Variants in APC observed in about 807,000 individuals in gnomAD.
The protein encoded by APC is adenomatous polyposis coli protein.
In APC, 72 loss-of-function variants were observed where a neutral mutation model predicts 247.0. The observed-to-expected ratio is 0.29, with a 90% CI of 0.24 to 0.35. The LOEUF is 0.35. APC is among the 10% of genes least tolerant of loss of function. The pLI, the probability that APC is intolerant of heterozygous loss-of-function variation, is 1.00. For synonymous variants in APC, 1,254 were observed against 1,162.5 expected, an observed-to-expected ratio of 1.08 and a Z score of -1.60; for missense variants, 3,400 against 3,360.7, an observed-to-expected ratio of 1.01 and a Z score of -0.29.
At chr5:112,748,692 C>G (rs1753949758) in intron 1 of APC, among the ~76,000 whole-genome samples, 2 of 152,034 alleles carry the variant, frequency 1.3e-5, no homozygotes. Context: ...AAAACCCCAT[C>G]TCTGTAATCC....
intron 1 of APC, among the ~76,000 whole-genome samples, chr5:112,708,589 T>G (rs1347202522): frequency 6.6e-6 from 1 of 152,222 alleles, no homozygotes; most frequent in Non-Finnish European, 1.5e-5. Flanking sequence ...ATGCAGTACA[T>G]GTAAGACATC....
intron 1 of APC, among the ~76,000 whole-genome samples, chr5:112,743,051 C>G (rs894806679): frequency 6.6e-6 from 1 of 152,214 alleles, no homozygotes; most frequent in Non-Finnish European, 1.5e-5. Context: ...ATCAGTGGCT[C>G]TGCGTCTCCT....
chr5:112,756,110 A>G (rs551297364), intron 2 of APC, among the ~76,000 whole-genome samples: 182 of 151,986 alleles, frequency 1.2e-3, no homozygotes, highest in African/African-American at 4.2e-3. Context: ...TTTTTTTCCT[A>G]TGCATTTCAA....
intron 7 of APC, among the ~76,000 whole-genome samples, chr5:112,794,433 T>C (rs1040982470): frequency 6.6e-6 from 1 of 152,198 alleles, no homozygotes; most frequent in African/African-American, 2.4e-5. Context: ...ACCCCAGTTC[T>C]TTGACACCAC....
Position 112,803,037 on chromosome 5 carries a change from G to A in APC, c.834+1654G>A, listed in dbSNP as rs529076. On this transcript the variant is annotated intron_variant, in intron 8 of 15. Transcript: ENST00000257430. ...AATGACTTGTAAACATGGAAAGATG[G>A]TCAACTTTACTAATCATGATATATA... 0.66 allele frequency among the ~76,000 whole-genome samples: 100,891 copies of A among 151,906 alleles called. 33,914 individuals carry two copies. The highest frequency in any genetic ancestry group is 0.9 in the East Asian group (4,675 of 5,188).
At chr5:112,818,538 G>C (rs1762744328) in intron 9 of APC, among the ~76,000 whole-genome samples, 1 of 151,994 alleles carries the variant, frequency 6.6e-6, no homozygotes, top group African/African-American at 2.4e-5. Context: ...ATTGCTTATA[G>C]GTATAGATTA....
chr5:112,841,686 G>A lies in APC; in HGVS notation c.6092G>A (p.Ser2031Asn). 6.2e-7 allele frequency: 1 copy of A among 1,613,906 alleles called. No homozygotes were observed. The highest frequency in any genetic ancestry group is 8.5e-7 in the Non-Finnish European group (1 of 1,179,800). Residue 2031 changes from serine (S) to asparagine (N), a missense_variant, in exon 16 of 16, where the codon AGT becomes AAT. Transcript: ENST00000257430. This position sits in a 1 kb window ranked among gnomAD's most constrained non-coding sequence, Gnocchi z 4.6. ...FSRNSSLSSL[S>N]IDSEDDLLQE... ...AGAAACAGTTCTCTCAGTTCTCTTA[G>A]TATTGACTCTGAAGATGACCTGTTG...
chr5:112,784,224 C>A (rs954274354), intron 6 of APC, among the ~76,000 whole-genome samples: 1 of 152,086 alleles, frequency 6.6e-6, no homozygotes, highest in Non-Finnish European at 1.5e-5. Flanking sequence ...TGTGCCACCA[C>A]GCCCAGCTAA....
intron 4 of APC, 126 bp downstream of exon 4, chr5:112,767,516 A>G (rs1163528835): frequency 5.5e-6 from 4 of 728,966 alleles, no homozygotes; most frequent in Non-Finnish European, 9.0e-6. Context: ...TTGCATTTTT[A>G]AACTCAAAGA....
Position 112,804,879 on chromosome 5 carries a change from G to A in APC, c.834+3496G>A, listed in dbSNP as rs139072781. Among the ~76,000 whole-genome samples, 11 of 152,198 alleles carry A rather than the reference G, an allele frequency of 7.2e-5. No individual in the cohort carries two copies. The East Asian group carries it at 2.1e-3, about 29-fold the overall frequency. On this transcript the variant is annotated intron_variant, in intron 8 of 15. Transcript: ENST00000257430. ...GTGTGGTAGTCCCAGCTACTTGGGAGGCCGTGTGGGAGGATCACTTGAGCC... is the reference window on the plus strand; with the variant it reads ...GTGTGGTAGTCCCAGCTACTTGGGAAGCCGTGTGGGAGGATCACTTGAGCC...
chr5:112,724,872 A>G (rs1751686155), intron 1 of APC, among the ~76,000 whole-genome samples: 1 of 152,224 alleles, frequency 6.6e-6, no homozygotes, highest in African/African-American at 2.4e-5. Context: ...GACCTTACAT[A>G]TAGTGCTAAT....
At chr5:112,815,380 A>T in intron 8 of APC, 115 bp from the exon 9 acceptor site, 1 of 719,780 alleles carries the variant, frequency 1.4e-6, no homozygotes, top group Non-Finnish European at 2.4e-6. Flanking sequence ...TCATACTTTT[A>T]TGATGTATTT....
chr5:112,803,394 TTAAA>T lies in APC; in HGVS notation c.834+2013_834+2016del, dbSNP rs573826781. 8.7e-4 allele frequency among the ~76,000 whole-genome samples: 132 copies of T among 152,210 alleles called. 1 individual carries two copies. The highest frequency in any genetic ancestry group is 3.0e-3 in the African/African-American group (126 of 41,512). On this transcript the variant is annotated intron_variant, in intron 8 of 15. Coordinates refer to ENST00000257430, the MANE Select transcript of APC (RefSeq NM_000038.6). Reference sequence around the variant, plus strand: ...TAAATGGACATTGATCGTAAAATGGTTAAATTATTAGTCAGCTGTAGATTAGTTA... The same window carrying T: ...TAAATGGACATTGATCGTAAAATGGTTTATTAGTCAGCTGTAGATTAGTTA...
chr5:112,776,869 A>T (rs530378201), intron 5 of APC, among the ~76,000 whole-genome samples: 4 of 152,060 alleles, frequency 2.6e-5, no homozygotes, highest in Admixed American at 6.6e-5. Context: ...AAATAAAAAA[A>T]AAAATAAATG....
rs115117694 is a variant in APC at position 112,832,754 on chromosome 5, C to T, written c.1744-2197C>T. Among the ~76,000 whole-genome samples the T allele has an allele frequency of 8.2e-3, 1,246 of 152,270 alleles. 19 individuals are homozygous for T. The highest frequency in any genetic ancestry group is 0.029 in the African/African-American group (1,185 of 41,530). ...CTAATCCTCCTAAAGAGCTGTTCTC[C>T]TCCATGAAATATTTGATTGATTTGA... On this transcript the variant is annotated intron_variant, in intron 14 of 15. Transcript: ENST00000257430.
At chr5:112,836,009 C>CTTTT (rs371484714) in intron 15 of APC, among the ~76,000 whole-genome samples, 7 of 106,332 alleles carry the variant, frequency 6.6e-5, no homozygotes, top group African/African-American at 1.3e-4. Flanking sequence ...ATACAACTGT[C>CTTTT]TTTTTTTTTT....
At chr5:112,801,655 T>G (rs1760845100) in intron 8 of APC, among the ~76,000 whole-genome samples, 1 of 152,174 alleles carries the variant, frequency 6.6e-6, no homozygotes, top group African/African-American at 2.4e-5. Context: ...TTAATAACTC[T>G]AAGCTGCATT....
chr5:112,783,278 C>G (rs557089186), intron 6 of APC, among the ~76,000 whole-genome samples: 27 of 152,030 alleles, frequency 1.8e-4, no homozygotes, highest in Non-Finnish European at 3.8e-4. Context: ...TTACTTTATT[C>G]TGGAATGCCG....
Position 112,841,435 on chromosome 5 carries a change from T to G in APC, c.5841T>G (p.Thr1947=), listed in dbSNP as rs1114167570. 4 of 1,613,910 alleles carry G rather than the reference T, an allele frequency of 2.5e-6. No homozygotes were observed. The highest frequency in any genetic ancestry group is 3.4e-6 in the Non-Finnish European group (4 of 1,179,918). Residue 1947 remains threonine, a synonymous_variant, in exon 16 of 16, where the codon ACT becomes ACG. Transcript: ENST00000257430. This position sits in a 1 kb window ranked among gnomAD's most constrained non-coding sequence, Gnocchi z 4.6. The stretch of plus-strand genomic sequence containing the variant: ...ACATACCAGACAGAGGGGCAGCAAC[T>G]GATGAAAAGTTACAGAATTTTGCTA... The part of the protein sequence containing the change: ...SKDIPDRGAA[T]DEKLQNFAIE...
Sources: allele counts gnomAD v4.1 joint callset (sites outside exome capture counted in the v4.1 genomes callset), GRCh38; gene constraint gnomAD v4.1.1; non-coding constraint Gnocchi (gnomAD v3.1); transcripts MANE v1.5; gene names NCBI Gene and HGNC (gene_info 2026-07-23, HGNC 2026-07-21).